CALU: variants seen among roughly 807,000 people sequenced by gnomAD.
CALU encodes IEF SSP 9302.
Under a neutral mutation model 37.5 loss-of-function variants are expected in CALU, and 13 were observed. The ratio of observed to expected loss-of-function variants is 0.35; its 90% confidence interval spans 0.23 to 0.55. The LOEUF (loss-of-function observed/expected upper bound fraction) is 0.55, where lower values mean the gene tolerates loss of function less well. CALU is among the 20% of genes least tolerant of loss of function. The pLI, the probability that CALU is intolerant of heterozygous loss-of-function variation, is 0.89. For synonymous variants in CALU, 114 were observed against 133.8 expected (o/e 0.85, Z 1.02); for missense variants, 282 against 391.7 (o/e 0.72, Z 2.36).
intron 2 of CALU, among the ~76,000 whole-genome samples, chr7:128,750,575 CTG>C (rs757858865): frequency 5.3e-5 from 8 of 152,180 alleles, no homozygotes; most frequent in Non-Finnish European, 1.0e-4. Context: ...TATGAATAGA[CTG>C]TTTGCTTCTC....
chr7:128,758,746 A>G, intron 3 of CALU, 125 bp from the exon 4 acceptor site: 1 of 687,678 alleles, frequency 1.5e-6, no homozygotes, highest in East Asian at 2.6e-5. Context: ...CTGCAGTTTT[A>G]CCTGTGTCAT....
rs1230829114 is a variant in CALU at position 128,754,440 on chromosome 7, T to C, written c.400T>C (p.Tyr134His). Residue 134 changes from tyrosine (Y) to histidine (H), a missense_variant, in exon 3 of 7, where the codon TAC (tyrosine) becomes CAC (histidine). Coordinates refer to ENST00000249364, the MANE Select transcript of CALU (RefSeq NM_001219.5). ...VSWEEYKNAT[Y>H]GYVLDDPDPD... ...CTGGGAGGAGTATAAAAATGCCACCTACGGCTACGTTTTAGGTAGGTCCCT... is the reference window on the plus strand; with the variant it reads ...CTGGGAGGAGTATAAAAATGCCACCCACGGCTACGTTTTAGGTAGGTCCCT... 2 of 1,613,314 alleles carry C rather than the reference T, an allele frequency of 1.2e-6. No homozygotes were observed. The highest frequency in any genetic ancestry group is 4.5e-5 in the East Asian group (2 of 44,884).
At chr7:128,753,633 A>G (rs1167165452) in intron 2 of CALU, among the ~76,000 whole-genome samples, 1 of 152,222 alleles carries the variant, frequency 6.6e-6, no homozygotes, top group African/African-American at 2.4e-5. Context: ...AGTATTTAAA[A>G]GCTGCTAGCC....
In CALU at chr7:128,772,452, AGTAGTTTGGTTTCTG is replaced by A; in HGVS notation, c.*3286_*3300del. ...CTTTTACCATCTTTTTTGTGTTTTT[AGTAGTTTGGTTTCTG>A]ACGGAGACAATAGAAACTTACTTAA... On this transcript the variant is annotated 3_prime_UTR_variant, in exon 7 of 7. Coordinates refer to ENST00000249364, the MANE Select transcript of CALU (RefSeq NM_001219.5). 6.6e-7 allele frequency: 1 copy of A among 1,507,498 alleles called. No homozygotes were observed. The highest frequency in any genetic ancestry group is 9.2e-7 in the Non-Finnish European group (1 of 1,090,432). 93.4% of individuals were successfully genotyped at this position (1,507,498 alleles called of 1,614,324 possible).
chr7:128,759,872 G>GT lies in CALU; in HGVS notation c.643+25dup. On this transcript the variant is annotated intron_variant, in intron 5 of 6. Coordinates refer to ENST00000249364, the MANE Select transcript of CALU (RefSeq NM_001219.5). ...ATATTGGTAAGTCTCTGCTTTTAGTGTTTTTCTTAGAAAAGCTGAGAAGCT... is the reference window on the plus strand; with the variant it reads ...ATATTGGTAAGTCTCTGCTTTTAGTGTTTTTTCTTAGAAAAGCTGAGAAGCT... The GT allele has an allele frequency of 8.2e-7, 1 of 1,225,868 alleles. No homozygotes were observed. The highest frequency in any genetic ancestry group is 1.2e-6 in the Non-Finnish European group (1 of 828,096). The allele number at this position is 1,225,868 out of a possible 1,614,324, so 75.9% of individuals were successfully genotyped here.
intron 3 of CALU, among the ~76,000 whole-genome samples, chr7:128,757,194 G>C (rs983281316): frequency 2.6e-5 from 4 of 152,168 alleles, no homozygotes; most frequent in Non-Finnish European, 5.9e-5. Context: ...CCCAAGGAGG[G>C]GAGGAGAGCA....
chr7:128,754,579 G>T, intron 3 of CALU, 124 bp downstream of exon 3: 4 of 1,552,410 alleles, frequency 2.6e-6, no homozygotes, highest in Non-Finnish European at 2.6e-6. Context: ...GTGACGGAGG[G>T]GGAGCTGAAA....
intron 1 of CALU, among the ~76,000 whole-genome samples, chr7:128,746,117 G>T (rs1032705809): frequency 4.0e-5 from 6 of 150,530 alleles, no homozygotes; most frequent in African/African-American, 9.7e-5. Flanking sequence ...ATATCTTGGT[G>T]AATTTTCCAT....
chr7:128,756,222 CA>C (rs1292236370), intron 3 of CALU, among the ~76,000 whole-genome samples: 5 of 152,176 alleles, frequency 3.3e-5, no homozygotes. Context: ...GTGATCTAAA[CA>C]AAATGGTGTG....
At chr7:128,754,756 T>G (rs1296627998) in intron 3 of CALU, 8 of 1,418,722 alleles carry the variant, frequency 5.6e-6, no homozygotes, top group Non-Finnish European at 7.6e-6. Context: ...GCAGGGACCG[T>G]GGTCTTGAGT....
In CALU at chr7:128,759,051, A is replaced by T. The variant is rs769863327; in HGVS notation, c.582+14A>T. On this transcript the variant is annotated intron_variant, in intron 4 of 6. Transcript: ENST00000249364. ...ATAGTAGTACAGGTGGGTGAGATGAAGGATTCTGAACAGGGACTCAGTTTC... is the reference window on the plus strand; with the variant it reads ...ATAGTAGTACAGGTGGGTGAGATGATGGATTCTGAACAGGGACTCAGTTTC... 6.2e-7 allele frequency: 1 copy of T among 1,603,276 alleles called. No individual in the cohort carries two copies. The highest frequency in any genetic ancestry group is 1.7e-5 in the Admixed American group (1 of 58,558).
chr7:128,746,852 T>C (rs1161650452), intron 1 of CALU, among the ~76,000 whole-genome samples: 2 of 143,304 alleles, frequency 1.4e-5, no homozygotes, highest in South Asian at 2.2e-4. Context: ...CACTGCAAGC[T>C]CTGCCTCCTG....
intron 5 of CALU, among the ~76,000 whole-genome samples, chr7:128,764,347 G>T (rs1801243249): frequency 6.6e-6 from 1 of 152,104 alleles, no homozygotes; most frequent in Admixed American, 6.6e-5. Context: ...GATCACTTGA[G>T]CCTGAGGGTT....
rs1801641120 is a variant in CALU, at chr7:128,772,784, T to G, written c.*3617T>G. On this transcript the variant is annotated 3_prime_UTR_variant, in exon 7 of 7. Transcript: ENST00000249364. ...GTACCCAGAATGCCCTTAGGTGGTTTTGAATCTATCTTCCCCATCCTGAAA... is the reference window on the plus strand; with the variant it reads ...GTACCCAGAATGCCCTTAGGTGGTTGTGAATCTATCTTCCCCATCCTGAAA... 2 of 1,283,120 alleles carry G rather than the reference T, an allele frequency of 1.6e-6. No individual in the cohort carries two copies. The highest frequency in any genetic ancestry group is 2.2e-6 in the Non-Finnish European group (2 of 895,088). 79.5% of individuals were successfully genotyped at this position (1,283,120 alleles called of 1,614,324 possible). A position where few individuals can be genotyped will look rare whatever the true frequency, so the allele number is the denominator to read the frequency against.
chr7:128,739,944 G>T (rs369316952), intron 1 of CALU, among the ~76,000 whole-genome samples: 4 of 152,164 alleles, frequency 2.6e-5, no homozygotes, highest in Admixed American at 2.0e-4. Flanking sequence ...CAGAAACAAG[G>T]GGGGAGAGAA....
At chr7:128,753,006 TG>T (rs1010345208) in intron 2 of CALU, among the ~76,000 whole-genome samples, 18 of 152,364 alleles carry the variant, frequency 1.2e-4, no homozygotes, top group African/African-American at 4.1e-4. Flanking sequence ...AACTTCTTAC[TG>T]GTTTACCTTT....
At chr7:128,748,398 G>A in intron 1 of CALU, 175 bp from the exon 2 acceptor site, 2 of 1,446,446 alleles carry the variant, frequency 1.4e-6, no homozygotes, top group African/African-American at 2.8e-5. Flanking sequence ...TAATTGAAGA[G>A]TCTGATATTC....
In CALU at chr7:128,767,768, A is replaced by C; in HGVS notation, c.843+113A>C. The C allele has an allele frequency of 3.7e-6, 3 of 805,398 alleles. No homozygotes were observed. In the East Asian group the frequency reaches 8.0e-5, roughly 21 times the overall value. 49.9% of individuals were successfully genotyped at this position (805,398 alleles called of 1,614,324 possible). A position where few individuals can be genotyped will look rare whatever the true frequency, so the allele number is the denominator to read the frequency against. ...AGCATTTAAGGTCTTAATTAGTCTA[A>C]GTCAGCCAAGTATCTGAATCTGGCG... On this transcript the variant is annotated intron_variant, in intron 6 of 6. Transcript: ENST00000249364.
At position 128,769,055 on chromosome 7, in the gene CALU, A is replaced by T; in HGVS notation, c.844-8A>T. On this transcript the variant is annotated splice_region_variant and splice_polypyrimidine_tract_variant and intron_variant, in intron 6 of 6. Coordinates refer to ENST00000249364, the MANE Select transcript of CALU (RefSeq NM_001219.5). ...TCTTCTTCAATTCATTGCTATCTCT[A>T]CTTTCAGGATGGCAAGCTTACCAAG... 1 of 1,521,998 alleles carries T rather than the reference A, an allele frequency of 6.6e-7. No homozygotes were observed. The highest frequency in any genetic ancestry group is 2.2e-5 in the East Asian group (1 of 44,476). The allele number at this position is 1,521,998 out of a possible 1,614,324, so 94.3% of individuals were successfully genotyped here.
Sources: allele counts gnomAD v4.1 joint callset (sites outside exome capture counted in the v4.1 genomes callset), GRCh38; gene constraint gnomAD v4.1.1; transcripts MANE v1.5; gene names NCBI Gene and HGNC (gene_info 2026-07-23, HGNC 2026-07-21).